The following WWOX variants were observed in gnomAD, a reference collection of about 807,000 sequenced individuals.
WWOX encodes WW domain containing oxidoreductase, also known as WW domain-containing oxidoreductase.
Under a neutral mutation model 46.2 loss-of-function variants are expected in WWOX, and 69 were observed. That is an observed-to-expected ratio of 1.49 (90% CI 1.23 to 1.82). WWOX has a LOEUF of 1.82. WWOX is among the 40% of genes most tolerant of loss of function. WWOX has a pLI of 0.00. For synonymous variants in WWOX, 359 were observed against 202.6 expected (o/e 1.77, Z -6.56); for missense variants, 919 against 542.6 (o/e 1.69, Z -6.89).
intron 8 of WWOX, among the ~76,000 whole-genome samples, chr16:79,101,918 G>C (rs2049204711): frequency 6.6e-6 from 1 of 150,906 alleles, no homozygotes; most frequent in South Asian, 2.1e-4. Flanking sequence ...AGGGAGGTAG[G>C]AGATCCATGA....
intron 8 of WWOX, among the ~76,000 whole-genome samples, chr16:78,742,841 T>G (rs1333780199): frequency 6.6e-6 from 1 of 152,152 alleles, no homozygotes; most frequent in African/African-American, 2.4e-5. Flanking sequence ...GAACAGCCAT[T>G]GCGAGTCTCA....
intron 8 of WWOX, among the ~76,000 whole-genome samples, chr16:78,511,405 A>G (rs956171142): frequency 3.3e-5 from 5 of 152,216 alleles, no homozygotes; most frequent in Non-Finnish European, 5.9e-5. Context: ...GCTGAAAACA[A>G]AAAGGGAACA....
intron 8 of WWOX, among the ~76,000 whole-genome samples, chr16:79,053,842 T>C (rs2550676): frequency 0.58 from 87,577 of 151,934 alleles, 25,767 homozygotes; most frequent in African/African-American, 0.68. Context: ...TCTATTTAGG[T>C]AGGAAGAGTT....
chr16:78,406,534 G>A (rs1302707916), intron 6 of WWOX, among the ~76,000 whole-genome samples: 2 of 149,904 alleles, frequency 1.3e-5, no homozygotes, highest in East Asian at 2.0e-4. Context: ...TTGTATTTTA[G>A]TAGAGATGGT....
intron 8 of WWOX, among the ~76,000 whole-genome samples, chr16:79,145,299 G>A (rs2050164373): frequency 1.3e-5 from 2 of 152,072 alleles, no homozygotes; most frequent in Admixed American, 6.6e-5. Context: ...ACCAACCAAC[G>A]AAACAGCAAT....
chr16:78,772,239 G>C (rs1045634766), intron 8 of WWOX, among the ~76,000 whole-genome samples: 1 of 152,074 alleles, frequency 6.6e-6, no homozygotes, highest in Non-Finnish European at 1.5e-5. Context: ...TTCTTTCTTT[G>C]TGTCCTTGAG....
intron 4 of WWOX, among the ~76,000 whole-genome samples, chr16:78,124,713 T>G (rs563962272): frequency 2.0e-5 from 3 of 152,324 alleles, no homozygotes; most frequent in African/African-American, 7.2e-5. Context: ...GTGACAAGGT[T>G]TAAATCTAAT....
At chr16:78,122,851 C>G (rs900209305) in intron 4 of WWOX, among the ~76,000 whole-genome samples, 4 of 152,136 alleles carry the variant, frequency 2.6e-5, no homozygotes, top group African/African-American at 9.7e-5. Context: ...GTGATCCGCC[C>G]ACCTTGGCCT....
chr16:78,212,750 A>G (rs1428837610), intron 5 of WWOX, among the ~76,000 whole-genome samples: 1 of 152,206 alleles, frequency 6.6e-6, no homozygotes, highest in African/African-American at 2.4e-5. Context: ...CAGTCTGGTA[A>G]TGCTGGAAGG....
chr16:78,558,692 C>A (rs1002535749), intron 8 of WWOX, among the ~76,000 whole-genome samples: 6 of 152,220 alleles, frequency 3.9e-5, no homozygotes, highest in African/African-American at 1.2e-4. Context: ...CTCCAATTCA[C>A]TGAGCTGGCC....
At chr16:78,917,474 G>C (rs896790424) in intron 8 of WWOX, among the ~76,000 whole-genome samples, 1 of 150,426 alleles carries the variant, frequency 6.6e-6, no homozygotes, top group Admixed American at 6.6e-5. Context: ...TACCCCGAGA[G>C]CTGGCTGATT....
chr16:78,977,078 CT>C (rs1312823067), intron 8 of WWOX, among the ~76,000 whole-genome samples: 1 of 152,178 alleles, frequency 6.6e-6, no homozygotes, highest in Middle Eastern at 3.2e-3. Flanking sequence ...ACACAGGAAC[CT>C]TTTTGATGCC....
chr16:78,567,520 T>C (rs1597279408), intron 8 of WWOX, among the ~76,000 whole-genome samples: 1 of 120,348 alleles, frequency 8.3e-6, no homozygotes, highest in Admixed American at 1.1e-4. Flanking sequence ...AGCACTGCAC[T>C]CCAGCCTGGG....
At chr16:78,813,565 A>G (rs1997588) in intron 8 of WWOX, among the ~76,000 whole-genome samples, 24,178 of 152,058 alleles carry the variant, frequency 0.16, 2,403 homozygotes, top group East Asian at 0.32. Context: ...ATATGTGGGC[A>G]GGAATGTGTG....
At position 78,475,396 on chromosome 16, in the gene WWOX, A is replaced by G. The variant is rs117987412; in HGVS notation, c.1056+42644A>G. Among the ~76,000 whole-genome samples, 56 of 152,298 alleles carry G rather than the reference A, an allele frequency of 3.7e-4. 1 individual carries two copies. In the East Asian group the frequency reaches 0.01, roughly 28 times the overall value. ...TGAGATAGGAGCTTTTGGTAGATGG[A>G]TAAACTGGGATTTGTAAATATTTTG... is the stretch of plus-strand genomic sequence containing the variant. On this transcript the variant is annotated intron_variant, in intron 8 of 8. Transcript: ENST00000566780.
chr16:78,305,512 C>A (rs866807013), intron 5 of WWOX, among the ~76,000 whole-genome samples: 13 of 152,198 alleles, frequency 8.5e-5, no homozygotes, highest in African/African-American at 2.6e-4. Context: ...CCCTGAGTTC[C>A]CTCTGGAAGT....
At chr16:78,361,705 G>A (rs1386675249) in intron 5 of WWOX, among the ~76,000 whole-genome samples, 2 of 152,028 alleles carry the variant, frequency 1.3e-5, no homozygotes, top group African/African-American at 2.4e-5. Flanking sequence ...TCTGCCTCCT[G>A]TGTTCAGGCG....
intron 5 of WWOX, among the ~76,000 whole-genome samples, chr16:78,317,877 A>G (rs1487071783): frequency 6.6e-6 from 1 of 152,198 alleles, no homozygotes; most frequent in African/African-American, 2.4e-5. Flanking sequence ...CCCCGTAAAC[A>G]TCTTCTGTTT....
intron 8 of WWOX, among the ~76,000 whole-genome samples, chr16:79,131,134 T>C (rs1284756027): frequency 6.6e-6 from 1 of 152,130 alleles, no homozygotes; most frequent in African/African-American, 2.4e-5. Context: ...TGCCCCTGCC[T>C]CCCGGGCCTT....
Sources: gnomAD v4.1 joint callset for allele counts (sites outside exome capture counted in the v4.1 genomes callset) on GRCh38, gnomAD v4.1.1 for gene constraint, MANE v1.5 for transcripts, NCBI Gene and HGNC (gene_info 2026-07-23, HGNC 2026-07-21) for gene names.